SPTB: variants seen among roughly 807,000 people sequenced by gnomAD.
SPTB encodes spectrin beta, erythrocytic.
In SPTB, 45 loss-of-function variants were observed where a neutral mutation model predicts 256.2. The ratio of observed to expected loss-of-function variants is 0.18; its 90% CI spans 0.14 to 0.23. The LOEUF is 0.23. Among genes scored for constraint, SPTB ranks in the 10% least tolerant of loss-of-function variants. The probability of loss-of-function intolerance (pLI) is 1.00; values close to 1 mark genes in which losing one functional copy is unlikely to be tolerated. For missense variants in SPTB, 2,715 were observed against 3,040.4 expected (o/e 0.89, Z 2.52); for synonymous variants, 1,231 against 1,243.1 (o/e 0.99, Z 0.21).
In SPTB at chr14:64,787,175, C is replaced by T; in HGVS notation, c.2805-15G>A. 5.6e-6 allele frequency: 9 copies of T among 1,602,112 alleles called. No individual in the cohort carries two copies. The highest frequency in any genetic ancestry group is 2.7e-5 in the African/African-American group (2 of 75,004). ...ATGCCTGCCACCTGCCGGATGGGGA[C>T]ACAGCCCGGAGGAGAGAGACACCTT... On this transcript the variant is annotated splice_polypyrimidine_tract_variant and intron_variant, in intron 15 of 35. Coordinates refer to ENST00000644917, the MANE Select transcript of SPTB (RefSeq NM_001355436.2).
Position 64,748,771 on chromosome 14 carries a change from C to G in SPTB, c.*535G>C, listed in dbSNP as rs1322543204. On this transcript the variant is annotated 3_prime_UTR_variant, in exon 36 of 36. Coordinates refer to ENST00000644917, the MANE Select transcript of SPTB (RefSeq NM_001355436.2). ...TGGCCCAGAGCTAGGGCTTTGTGGG[C>G]CACCTGAAGGCTCCTTCCTCATGCC... 1.3e-5 allele frequency: 2 copies of G among 155,466 alleles called. No homozygotes were observed. Among genetic ancestry groups the G allele is most frequent in the Non-Finnish European group, 2.8e-5 (2 of 70,602 alleles). The allele number at this position is 155,466 out of a possible 1,614,324, so 9.6% of individuals were successfully genotyped here. A position where few individuals can be genotyped will look rare whatever the true frequency, so the allele number is the denominator to read the frequency against.
At chr14:64,832,944 C>G (rs114396020) in intron 1 of SPTB, among the ~76,000 whole-genome samples, 2,165 of 152,296 alleles carry the variant, frequency 0.014, 56 homozygotes, top group African/African-American at 0.05. Context: ...GACAGGCCAT[C>G]CTAGAATACA....
intron 1 of SPTB, among the ~76,000 whole-genome samples, chr14:64,843,704 C>G (rs2083643529): frequency 6.6e-6 from 1 of 152,162 alleles, no homozygotes; most frequent in African/African-American, 2.4e-5. Flanking sequence ...AGGACCACGA[C>G]TGGGAGAGAA....
At chr14:64,830,827 C>T (rs2083442914) in intron 1 of SPTB, among the ~76,000 whole-genome samples, 1 of 152,158 alleles carries the variant, frequency 6.6e-6, no homozygotes, top group African/African-American at 2.4e-5. Flanking sequence ...GAACTCTGCT[C>T]TAGTCAGGAG....
At position 64,766,818 on chromosome 14, in the gene SPTB, C is replaced by A; in HGVS notation, c.6270-17G>T. 1 of 1,609,194 alleles carries A rather than the reference C, an allele frequency of 6.2e-7. No homozygotes were observed. The highest frequency in any genetic ancestry group is 1.1e-5 in the South Asian group (1 of 91,068). On this transcript the variant is annotated splice_polypyrimidine_tract_variant and intron_variant, in intron 31 of 35. Coordinates refer to ENST00000644917, the MANE Select transcript of SPTB (RefSeq NM_001355436.2). Reference sequence around the variant, plus strand: ...TCTTGAGGCCTAAGGAAGACACAGTCTCTCTTTAGAAACAAGCACCCCTCT... The same window carrying A: ...TCTTGAGGCCTAAGGAAGACACAGTATCTCTTTAGAAACAAGCACCCCTCT...
chr14:64,801,415 G>T lies in SPTB; in HGVS notation c.648-15C>A, dbSNP rs767929458. ...TCAGGTCGGGCCTGGGGACAAAACT[G>T]GACTGTGAAAAGGGAGTAGCCACAG... is the stretch of plus-strand genomic sequence containing the variant. On this transcript the variant is annotated splice_polypyrimidine_tract_variant and intron_variant, in intron 6 of 35. Transcript: ENST00000644917. 1 of 1,600,176 alleles carries T rather than the reference G, an allele frequency of 6.2e-7. No individual in the cohort carries two copies. The highest frequency in any genetic ancestry group is 8.6e-7 in the Non-Finnish European group (1 of 1,167,508).
In SPTB at chr14:64,795,124, C is replaced by T. The variant is rs1027505768; in HGVS notation, c.1644+213G>A. On this transcript the variant is annotated intron_variant, in intron 12 of 35. Coordinates refer to ENST00000644917, the MANE Select transcript of SPTB (RefSeq NM_001355436.2). The surrounding 1 kb of genome is among the most constrained non-coding windows in gnomAD (Gnocchi z 6.5). ...CAAGATTTCTCGGTCACCAGGGTAC[C>T]ATGGACCTGGGCTGGTATCACCTGC... Among the ~76,000 whole-genome samples the T allele has an allele frequency of 2.0e-5, 3 of 152,266 alleles. No homozygotes were observed. The highest frequency in any genetic ancestry group is 7.2e-5 in the African/African-American group (3 of 41,470).
chr14:64,794,211 G>A (rs2139598074), intron 13 of SPTB, among the ~76,000 whole-genome samples: 1 of 152,308 alleles, frequency 6.6e-6, no homozygotes, highest in East Asian at 1.9e-4. Context: ...AACCTAAATT[G>A]TCTCAGCCAT....
chr14:64,784,390 T>A lies in SPTB; in HGVS notation c.3859A>T (p.Thr1287Ser), dbSNP rs1197292878. Reference sequence around the variant, plus strand: ...AGCAGCTTGTCGTTGATCCAGAGAGTGAGCTGTGTGCATAAAGAGTGGGCT... The same window carrying A: ...AGCAGCTTGTCGTTGATCCAGAGAGAGAGCTGTGTGCATAAAGAGTGGGCT... ...QNFLQNCQELTLWINDKLLTS... is the reference protein window; with the variant it reads ...QNFLQNCQELSLWINDKLLTS... The change falls in exon 19 of 36, where the codon ACT (threonine) becomes TCT (serine). Residue 1287 changes from threonine (T) to serine (S), a missense_variant. Transcript: ENST00000644917. The A allele has an allele frequency of 3.7e-6, 6 of 1,613,986 alleles. No individual in the cohort carries two copies.
Position 64,803,780 on chromosome 14 carries a change from G to C in SPTB, c.301C>G (p.Pro101Ala), listed in dbSNP as rs1173811332. 1 of 1,608,406 alleles carries C rather than the reference G, an allele frequency of 6.2e-7. No homozygotes were observed. Among genetic ancestry groups the C allele is most frequent in the Non-Finnish European group, 8.5e-7 (1 of 1,176,974 alleles). Reference sequence around the variant, plus strand: ...CGCATCTTCCCCTTGGTGGGCTTTGGCTGGGGGACAGCAGTGGCCCCCGTG... The same window carrying C: ...CGCATCTTCCCCTTGGTGGGCTTTGCCTGGGGGACAGCAGTGGCCCCCGTG... ...LLEVLSGEML[P>A]KPTKGKMRIH... The change falls in exon 4 of 36, where the codon CCA (proline) becomes GCA (alanine). Residue 101 changes from proline to alanine, a missense_variant and splice_region_variant. By Grantham distance (27) the Pro-to-Ala change is conservative. This residue lies in a region of SPTB where 416 missense variants were observed against 571.1 expected (regional missense o/e 0.73). Transcript: ENST00000644917.
Position 64,796,429 on chromosome 14 carries a change from A to T in SPTB, c.1341+128T>A. On this transcript the variant is annotated intron_variant, in intron 11 of 35. Coordinates refer to ENST00000644917, the MANE Select transcript of SPTB (RefSeq NM_001355436.2). This position sits in a 1 kb window ranked among gnomAD's most constrained non-coding sequence, Gnocchi z 4.1. ...GATGCAAATCTTGATCCACTGGATC[A>T]CGGGGGAGCTGTGCTGCAAGGCACG... The T allele has an allele frequency of 8.2e-7, 1 of 1,219,038 alleles. No individual in the cohort carries two copies. Among genetic ancestry groups the T allele is most frequent in the Non-Finnish European group, 1.2e-6 (1 of 837,472 alleles). The allele number at this position is 1,219,038 out of a possible 1,614,324, so 75.5% of individuals were successfully genotyped here. A position where few individuals can be genotyped will look rare whatever the true frequency, so the allele number is the denominator to read the frequency against.
At chr14:64,763,728 G>A (rs750003134) in intron 32 of SPTB, 5 of 518,786 alleles carry the variant, frequency 9.6e-6, no homozygotes, top group South Asian at 2.8e-5. Flanking sequence ...GTGAGGTCTT[G>A]TTTCTTCTGC....
chr14:64,803,768 T>C lies in SPTB; in HGVS notation c.313A>G (p.Lys105Glu). ...LSGEMLPKPT[K>E]GKMRIHCLEN... ...AGGCAGTGGATGCGCATCTTCCCCT[T>C]GGTGGGCTTTGGCTGGGGGACAGCA... The change falls in exon 4 of 36, where the codon AAG becomes GAG. Residue 105 changes from lysine (K) to glutamate (E), a missense_variant. This residue lies in a region of SPTB where 416 missense variants were observed against 571.1 expected (regional missense o/e 0.73). Coordinates refer to ENST00000644917, the MANE Select transcript of SPTB (RefSeq NM_001355436.2). 6.2e-7 allele frequency: 1 copy of C among 1,611,054 alleles called. No homozygotes were observed. The highest frequency in any genetic ancestry group is 8.5e-7 in the Non-Finnish European group (1 of 1,178,422).
rs1371778487 is a variant in SPTB, at chr14:64,816,481, C to T, written c.148+6466G>A. Among the ~76,000 whole-genome samples, 1 of 152,154 alleles carries T rather than the reference C, an allele frequency of 6.6e-6. No homozygotes were observed. The highest frequency in any genetic ancestry group is 1.5e-5 in the Non-Finnish European group (1 of 68,042). ...GCACTCTGACTCAAACATGCTTATC[C>T]CCTGAACTGAGAGCTGCAGTTTATG... On this transcript the variant is annotated intron_variant, in intron 2 of 35. Coordinates refer to ENST00000644917, the MANE Select transcript of SPTB (RefSeq NM_001355436.2). This position sits in a 1 kb window ranked among gnomAD's most constrained non-coding sequence, Gnocchi z 4.2.
chr14:64,766,289 G>T, intron 32 of SPTB: 1 of 706,946 alleles, frequency 1.4e-6, no homozygotes, highest in Non-Finnish European at 1.9e-6. Context: ...TGTGTGTGTG[G>T]GCATGTGCCT....
At chr14:64,854,531 G>A (rs893295586) in intron 1 of SPTB, among the ~76,000 whole-genome samples, 20 of 151,874 alleles carry the variant, frequency 1.3e-4, no homozygotes, top group Non-Finnish European at 2.5e-4. Context: ...GCCCGCCTCC[G>A]CCTCCCAAAG....
chr14:64,811,956 C>T (rs563444954), intron 2 of SPTB, among the ~76,000 whole-genome samples: 1 of 152,242 alleles, frequency 6.6e-6, no homozygotes, highest in South Asian at 2.1e-4. Flanking sequence ...TGCTTTTGGA[C>T]CCAGTAATTC....
chr14:64,785,411 GT>G lies in SPTB; in HGVS notation c.3855+125del, dbSNP rs1022438216. ...GAATGACCCAATTAAGTACCCAGAGGTCCCCGCTCATGGAATCCCACAGCTC... is the reference window on the plus strand; with the variant it reads ...GAATGACCCAATTAAGTACCCAGAGGCCCCGCTCATGGAATCCCACAGCTC... On this transcript the variant is annotated intron_variant, in intron 18 of 35. Transcript: ENST00000644917. This position sits in a 1 kb window ranked among gnomAD's most constrained non-coding sequence, Gnocchi z 4.4. 23 of 829,722 alleles carry G rather than the reference GT, an allele frequency of 2.8e-5. No individual in the cohort carries two copies. Among genetic ancestry groups the G allele is most frequent in the East Asian group, 1.1e-4 (4 of 37,592 alleles). 51.4% of individuals were successfully genotyped at this position (829,722 alleles called of 1,614,324 possible).
chr14:64,802,658 G>A lies in SPTB; in HGVS notation c.475-341C>T, dbSNP rs1227732938. Among the ~76,000 whole-genome samples, 11 of 152,130 alleles carry A rather than the reference G, an allele frequency of 7.2e-5. No individual in the cohort carries two copies. The highest frequency in any genetic ancestry group is 1.6e-4 in the Non-Finnish European group (11 of 68,018). On this transcript the variant is annotated intron_variant, in intron 4 of 35. Transcript: ENST00000644917. The surrounding 1 kb of genome is among the most constrained non-coding windows in gnomAD (Gnocchi z 5.1). The stretch of plus-strand genomic sequence containing the variant: ...GATTCTGTTCCTATTATGTGGCAGC[G>A]CTGTGCTAGGCCTGAGGACACACAG...
Sources: gnomAD v4.1 joint callset for allele counts (sites outside exome capture counted in the v4.1 genomes callset) on GRCh38, gnomAD v4.1.1 for gene constraint, gnomAD v4.1.1 regional missense constraint, Gnocchi (gnomAD v3.1) non-coding constraint, MANE v1.5 for transcripts, NCBI Gene and HGNC (gene_info 2026-07-23, HGNC 2026-07-21) for gene names.